Variants in PTPRM observed in about 807,000 individuals in gnomAD.
The protein encoded by PTPRM is protein tyrosine phosphatase receptor type M.
PTPRM carries 47 observed loss-of-function variants against 186.7 expected under a neutral mutation model. The observed-to-expected ratio is 0.25, with a 90% confidence interval of 0.20 to 0.32. The LOEUF is 0.32. PTPRM is among the 10% of genes least tolerant of loss of function. PTPRM has a pLI of 1.00. For synonymous variants in PTPRM, 668 were observed against 674.9 expected (o/e 0.99, Z 0.16); for missense variants, 1,494 against 1,865.0 (o/e 0.80, Z 3.66).
intron 1 of PTPRM, chr18:7,754,807 T>C (rs2041393429): frequency 6.6e-6 from 1 of 152,284 alleles, no homozygotes; most frequent in Admixed American, 6.5e-5. Context: ...TCCCTCTGTC[T>C]GCTCCCTGGT....
chr18:7,962,983 T>C (rs542118992), intron 7 of PTPRM, among the ~76,000 whole-genome samples: 1 of 152,368 alleles, frequency 6.6e-6, no homozygotes, highest in Admixed American at 6.5e-5. Flanking sequence ...TTATTTTTGA[T>C]TTAAGTTTAT....
chr18:7,906,083 C>A lies in PTPRM; in HGVS notation c.469-422C>A, dbSNP rs191625339. 7.2e-5 allele frequency among the ~76,000 whole-genome samples: 11 copies of A among 152,262 alleles called. No individual in the cohort carries two copies. The East Asian group carries it at 2.1e-3, about 29-fold the overall frequency. ...TTGGGTGGGGAATCCTTTCTATCTGCTGAAACTGTTGGAGAGGTAACCCCA... is the reference window on the plus strand; with the variant it reads ...TTGGGTGGGGAATCCTTTCTATCTGATGAAACTGTTGGAGAGGTAACCCCA... On this transcript the variant is annotated intron_variant, in intron 3 of 32. Coordinates refer to ENST00000580170, the MANE Select transcript of PTPRM (RefSeq NM_001105244.2).
At chr18:8,390,642 GT>G (rs1268653257) in intron 31 of PTPRM, among the ~76,000 whole-genome samples, 1 of 152,168 alleles carries the variant, frequency 6.6e-6, no homozygotes, top group Non-Finnish European at 1.5e-5. Context: ...GACAAAAGAT[GT>G]CCCAGCCCAG....
At chr18:7,808,277 C>T (rs575371379) in intron 2 of PTPRM, among the ~76,000 whole-genome samples, 43 of 152,180 alleles carry the variant, frequency 2.8e-4, no homozygotes, top group Non-Finnish European at 2.5e-4. Flanking sequence ...GTGGTGCAGA[C>T]GGAGGTGGAG....
chr18:7,981,267 A>G (rs897686491), intron 7 of PTPRM, among the ~76,000 whole-genome samples: 1 of 151,796 alleles, frequency 6.6e-6, no homozygotes, highest in Non-Finnish European at 1.5e-5. Context: ...TTCCCTTATT[A>G]TTTTTTAAAC....
intron 2 of PTPRM, among the ~76,000 whole-genome samples, chr18:7,789,683 G>C (rs1411801572): frequency 4.6e-5 from 7 of 152,038 alleles, no homozygotes; most frequent in Admixed American, 2.0e-4. Flanking sequence ...TGCTCTGGCT[G>C]GCATCTTTAG....
At chr18:8,047,306 A>AT (rs2087131456) in intron 7 of PTPRM, among the ~76,000 whole-genome samples, 1 of 152,172 alleles carries the variant, frequency 6.6e-6, no homozygotes, top group Non-Finnish European at 1.5e-5. Context: ...TAATAAAAAA[A>AT]ATTTTTGTGG....
intron 22 of PTPRM, among the ~76,000 whole-genome samples, chr18:8,327,098 A>T (rs189675374): frequency 1.8e-4 from 28 of 152,294 alleles, no homozygotes; most frequent in African/African-American, 5.5e-4. Context: ...ACAAACTTAA[A>T]CTGTGCATAG....
At chr18:8,084,497 T>C (rs912643465) in intron 9 of PTPRM, among the ~76,000 whole-genome samples, 11 of 152,184 alleles carry the variant, frequency 7.2e-5, no homozygotes, top group African/African-American at 2.7e-4. Context: ...GTGATTAATA[T>C]ATATAGCAAA....
intron 19 of PTPRM, among the ~76,000 whole-genome samples, chr18:8,256,976 A>G (rs929397862): frequency 1.3e-4 from 20 of 152,170 alleles, no homozygotes; most frequent in Non-Finnish European, 2.2e-4. Context: ...TACACTGTAC[A>G]TGGCGCCAGG....
chr18:8,400,694 C>CT (rs1019499118), intron 32 of PTPRM, among the ~76,000 whole-genome samples: 5 of 152,214 alleles, frequency 3.3e-5, no homozygotes, highest in African/African-American at 1.2e-4. Context: ...CCCTCTGTAA[C>CT]TTACAGCCGA....
chr18:8,049,217 A>T (rs868613280), intron 7 of PTPRM: 1 of 152,208 alleles, frequency 6.6e-6, no homozygotes, highest in Non-Finnish European at 1.5e-5. Flanking sequence ...ACAATTCAAG[A>T]TTCTAATTTT....
intron 23 of PTPRM, among the ~76,000 whole-genome samples, chr18:8,355,143 A>G (rs1393080459): frequency 6.6e-6 from 1 of 152,154 alleles, no homozygotes. Context: ...GCTAAGACAA[A>G]TTAAGTGTGT....
At chr18:7,783,554 CT>C (rs2042953322) in intron 2 of PTPRM, among the ~76,000 whole-genome samples, 3 of 152,038 alleles carry the variant, frequency 2.0e-5, no homozygotes, top group Admixed American at 2.0e-4. Flanking sequence ...AGTGCCCTCT[CT>C]TTTTATTATT....
intron 23 of PTPRM, among the ~76,000 whole-genome samples, chr18:8,364,402 A>G (rs2095615360): frequency 6.6e-6 from 1 of 152,202 alleles, no homozygotes; most frequent in Non-Finnish European, 1.5e-5. Context: ...GATGGAAAAA[A>G]AATCCATGTG....
intron 1 of PTPRM, among the ~76,000 whole-genome samples, chr18:7,634,462 C>T (rs2038266779): frequency 6.6e-6 from 1 of 152,150 alleles, no homozygotes; most frequent in Admixed American, 6.6e-5. Context: ...GTCTTTGTCC[C>T]CATGGCTGTG....
intron 1 of PTPRM, among the ~76,000 whole-genome samples, chr18:7,651,547 A>C (rs1240130795): frequency 6.6e-6 from 1 of 152,126 alleles, no homozygotes; most frequent in Non-Finnish European, 1.5e-5. Flanking sequence ...CTGGTACCAA[A>C]ACAGAGATAT....
At chr18:8,324,946 C>CA (rs142466589) in intron 22 of PTPRM, among the ~76,000 whole-genome samples, 11,989 of 152,242 alleles carry the variant, frequency 0.079, 959 homozygotes, top group African/African-American at 0.21. Flanking sequence ...TGGCATGGAG[C>CA]AAATGCCATG....
intron 1 of PTPRM, among the ~76,000 whole-genome samples, chr18:7,713,901 A>T (rs142095080): frequency 1.5e-3 from 226 of 152,184 alleles, no homozygotes; most frequent in African/African-American, 5.1e-3. Flanking sequence ...CTTCAAAGAG[A>T]CTTAGACTCC....
Sources: gnomAD v4.1 joint callset for allele counts (sites outside exome capture counted in the v4.1 genomes callset) on GRCh38, gnomAD v4.1.1 for gene constraint, MANE v1.5 for transcripts, NCBI Gene and HGNC (gene_info 2026-07-23, HGNC 2026-07-21) for gene names.